PDXDC1: variants seen among roughly 807,000 people sequenced by gnomAD.
The protein encoded by PDXDC1 is pyridoxal-dependent decarboxylase domain-containing protein 1.
In PDXDC1, 42 loss-of-function variants were observed where a neutral mutation model predicts 100.1. The ratio of observed to expected loss-of-function variants is 0.42; its 90% CI spans 0.33 to 0.54. The LOEUF (loss-of-function observed/expected upper bound fraction) is 0.54, where lower values mean the gene tolerates loss of function less well. PDXDC1 is among the 20% of genes least tolerant of loss of function. The pLI, the probability that PDXDC1 is intolerant of heterozygous loss-of-function variation, is 0.10. For synonymous variants in PDXDC1, 260 were observed against 371.7 expected (o/e 0.70, Z 3.46); for missense variants, 636 against 979.2 (o/e 0.65, Z 4.68).
intron 16 of PDXDC1, chr16:15,074,611 A>G: frequency 1.3e-6 from 1 of 750,090 alleles, no homozygotes. Flanking sequence ...CTCATACTCA[A>G]TAGATATTTT....
At chr16:15,021,920 C>G (rs1193918526) in intron 12 of PDXDC1, among the ~76,000 whole-genome samples, 1 of 152,304 alleles carries the variant, frequency 6.6e-6, no homozygotes, top group East Asian at 1.9e-4. Context: ...TTTCATGCAT[C>G]ATCTCATTTG....
intron 16 of PDXDC1, chr16:15,071,344 G>A: frequency 2.5e-6 from 3 of 1,187,600 alleles, no homozygotes; most frequent in Non-Finnish European, 3.6e-6. Context: ...CCAATGTAGG[G>A]AAAAGTTCTA....
At chr16:14,996,491 A>T (rs1972005979) in intron 1 of PDXDC1, 1 of 194,166 alleles carries the variant, frequency 5.2e-6, no homozygotes, top group South Asian at 1.1e-4. Flanking sequence ...TACTACATAG[A>T]GATTGAAGTC....
rs190843117 is a variant in PDXDC1 at position 15,133,721 on chromosome 16, T to C, written c.1400-5158T>C. 9.7e-4 allele frequency: 1,554 copies of C among 1,605,158 alleles called. 5 individuals are homozygous for C. The African/African-American group carries it at 0.016, about 16-fold the overall frequency. On this transcript the variant is annotated intron_variant, in intron 16 of 16. Coordinates refer to the PDXDC1 transcript ENST00000535621. ...ATGCCAGCCTGAGGGACGGTCCCCA[T>C]GGCATCACGGGAGGGCTCCGTGACG...
chr16:15,055,838 C>G, intron 16 of PDXDC1: 1 of 994,600 alleles, frequency 1.0e-6, no homozygotes, highest in Non-Finnish European at 1.3e-6. Context: ...GCTAGCCCGC[C>G]CTGCAGCTTC....
chr16:15,036,040 T>C lies in PDXDC1; in HGVS notation c.2132T>C (p.Leu711Pro). 1 of 1,614,102 alleles carries C rather than the reference T, an allele frequency of 6.2e-7. No individual in the cohort carries two copies. Among genetic ancestry groups the C allele is most frequent in the Non-Finnish European group, 8.5e-7 (1 of 1,180,004 alleles). ...LPGQKPFKRS[L>P]RGSDALSETS... ...GGCCAGAAGCCTTTTAAAAGGTCCC[T>C]GCGAGGTTCAGATGCTTTGAGTGAG... The change falls in exon 23 of 23, where the codon CTG becomes CCG. Residue 711 changes from leucine to proline, a missense_variant. By Grantham distance (98) the Leu-to-Pro change is moderately conservative. Coordinates refer to ENST00000396410, the MANE Select transcript of PDXDC1 (RefSeq NM_015027.4).
chr16:14,998,494 G>T (rs1187309748), intron 3 of PDXDC1, 89 bp downstream of exon 3: 1 of 1,423,914 alleles, frequency 7.0e-7, no homozygotes, highest in East Asian at 2.4e-5. Context: ...GCCCAGGATG[G>T]TGTGCAGTGG....
intron 1 of PDXDC1, among the ~76,000 whole-genome samples, chr16:14,981,337 TC>T (rs1393327780): frequency 6.6e-6 from 1 of 152,290 alleles, no homozygotes; most frequent in African/African-American, 2.4e-5. Flanking sequence ...ATGGTGATAA[TC>T]ATTCAACCTT....
downstream of PDXDC1, chr16:15,040,069 G>A (rs985255411): frequency 7.1e-6 from 11 of 1,556,530 alleles, no homozygotes; most frequent in South Asian, 2.2e-5. Context: ...GTTGACAGCT[G>A]TGAGGGACAA....
At chr16:15,149,006 G>C in the PDXDC1 span, among the ~76,000 whole-genome samples, 3 of 152,222 alleles carry the variant, frequency 2.0e-5, no homozygotes, top group Admixed American at 1.3e-4. Flanking sequence ...GAACGCCCGA[G>C]TGCGGGAGCC....
Position 15,064,316 on chromosome 16 carries a change from C to T in PDXDC1, c.1399+34260C>T, listed in dbSNP as rs146438173. Among the ~76,000 whole-genome samples, 145 of 152,224 alleles carry T rather than the reference C, an allele frequency of 9.5e-4. 1 individual carries two copies. Among genetic ancestry groups the T allele is most frequent in the African/African-American group, 3.3e-3 (138 of 41,534 alleles). ...TCAGCCTCCCGAGTAGCTGGAATTA[C>T]AGGCGCCACCACCACACCCAGCTAA... On this transcript the variant is annotated intron_variant, in intron 16 of 16. Transcript: ENST00000535621.
chr16:14,987,401 A>T (rs529625397), intron 1 of PDXDC1, among the ~76,000 whole-genome samples: 2 of 152,390 alleles, frequency 1.3e-5, no homozygotes, highest in African/African-American at 2.4e-5. Context: ...ATGTACTATG[A>T]TTTGGGGCTT....
Position 15,035,521 on chromosome 16 carries a change from C to A in PDXDC1, c.2075C>A (p.Pro692His). Residue 692 changes from proline to histidine, a missense_variant, in exon 22 of 23, where the codon CCC becomes CAC. Around this residue, in one of 4 missense-constraint regions of PDXDC1, gnomAD observed 452 missense variants for 402.9 expected, o/e 1.12. Transcript: ENST00000396410. ...QGAGVTLPPTPSGSRTKQRLP... is the reference protein window; with the variant it reads ...QGAGVTLPPTHSGSRTKQRLP... ...GCAGGAGTCACGCTGCCTCCAACGC[C>A]CTCGGGCAGTCGCACCAAGCAGAGG... 2 of 1,612,250 alleles carry A rather than the reference C, an allele frequency of 1.2e-6. No individual in the cohort carries two copies. Among genetic ancestry groups the A allele is most frequent in the Non-Finnish European group, 1.7e-6 (2 of 1,179,284 alleles).
intron 16 of PDXDC1, chr16:15,133,332 GCC>G: frequency 1.5e-6 from 2 of 1,364,700 alleles, no homozygotes; most frequent in Admixed American, 3.6e-5. Context: ...TGCCGCAGCA[GCC>G]CCGGGAGCAC....
At chr16:15,083,879 G>C (rs778897371) in intron 16 of PDXDC1, 1 of 287,346 alleles carries the variant, frequency 3.5e-6, no homozygotes, top group Non-Finnish European at 6.7e-6. Flanking sequence ...ACCATGCCCA[G>C]CTAATTTTGT....
At chr16:15,053,164 G>A (rs1221830298) in intron 16 of PDXDC1, among the ~76,000 whole-genome samples, 1 of 152,212 alleles carries the variant, frequency 6.6e-6, no homozygotes, top group Non-Finnish European at 1.5e-5. Flanking sequence ...ATGGCTCGTG[G>A]CTACTGTACT....
downstream of PDXDC1, chr16:15,040,034 C>G (rs142724894): frequency 2.7e-4 from 434 of 1,610,228 alleles, 2 homozygotes; most frequent in Non-Finnish European, 3.5e-4. Context: ...TGAAAGGATG[C>G]TCTGTAAATC....
chr16:15,081,607 T>C (rs952986420), intron 16 of PDXDC1, among the ~76,000 whole-genome samples: 2 of 152,170 alleles, frequency 1.3e-5, no homozygotes, highest in African/African-American at 4.8e-5. Flanking sequence ...TTAGAAATAT[T>C]TCCTCCCATT....
chr16:15,128,219 G>A, intron 16 of PDXDC1: 1 of 1,611,156 alleles, frequency 6.2e-7, no homozygotes, highest in South Asian at 1.1e-5. Flanking sequence ...GGTCCGCACA[G>A]ACCTTTGTCG....
Sources: gnomAD v4.1 joint callset for allele counts (sites outside exome capture counted in the v4.1 genomes callset) on GRCh38, gnomAD v4.1.1 for gene constraint, gnomAD v4.1.1 regional missense constraint, MANE v1.5 for transcripts, NCBI Gene and HGNC (gene_info 2026-07-23, HGNC 2026-07-21) for gene names.